PEAK1: variants seen among roughly 807,000 people sequenced by gnomAD.
PEAK1 encodes pseudopodium enriched atypical kinase 1, also known as inactive tyrosine-protein kinase PEAK1.
Under a neutral mutation model 124.7 loss-of-function variants are expected in PEAK1, and 54 were observed. That is an observed-to-expected ratio of 0.43 (90% CI 0.35 to 0.54). The LOEUF is 0.54. Among genes scored for constraint, PEAK1 ranks in the 20% least tolerant of loss-of-function variants. PEAK1 has a pLI of 0.01. For synonymous variants in PEAK1, 719 were observed against 760.0 expected (o/e 0.95, Z 0.89); for missense variants, 2,046 against 2,134.5 (o/e 0.96, Z 0.82).
chr15:77,352,106 G>A (rs888875913), intron 2 of PEAK1: 6 of 850,874 alleles, frequency 7.1e-6, no homozygotes, highest in Admixed American at 6.2e-5. Flanking sequence ...TGTGGTTCCA[G>A]CTACTCAGGA....
At chr15:77,416,280 A>C (rs907645459) in intron 1 of PEAK1, among the ~76,000 whole-genome samples, 1 of 152,022 alleles carries the variant, frequency 6.6e-6, no homozygotes, top group Non-Finnish European at 1.5e-5. Context: ...TGCCCAATCT[A>C]CTCAGCGGAT....
chr15:77,188,764 C>T (rs2057677254), intron 6 of PEAK1, among the ~76,000 whole-genome samples: 1 of 152,092 alleles, frequency 6.6e-6, no homozygotes, highest in South Asian at 2.1e-4. Flanking sequence ...TGTAAGTCCC[C>T]AGAAGGCAGG....
rs564676489 is a variant in PEAK1 at position 77,197,315 on chromosome 15, T to G, written c.-114-15275A>C. 1.1e-4 allele frequency among the ~76,000 whole-genome samples: 17 copies of G among 152,314 alleles called. 1 individual carries two copies. The South Asian group carries it at 3.3e-3, about 30-fold the overall frequency. On this transcript the variant is annotated intron_variant, in intron 6 of 9. Coordinates refer to ENST00000682557, the MANE Select transcript of PEAK1 (RefSeq NM_001385026.1). ...GTAGTTACCAGAAAAGCCTCCTTCA[T>G]GACAAAGGCCATTTTATTACTTTCC...
intron 6 of PEAK1, among the ~76,000 whole-genome samples, chr15:77,182,749 C>CAAAAA (rs71143395): frequency 1.2e-4 from 8 of 65,144 alleles, no homozygotes; most frequent in African/African-American, 3.1e-4. Flanking sequence ...GACCTTGTCT[C>CAAAAA]AAAAAAAAAA....
At chr15:77,183,153 G>A (rs2057370534) in intron 6 of PEAK1, among the ~76,000 whole-genome samples, 1 of 152,152 alleles carries the variant, frequency 6.6e-6, no homozygotes, top group Non-Finnish European at 1.5e-5. Context: ...CGAGAATAAT[G>A]TTCTGCAACA....
At chr15:77,219,074 G>A (rs1034495103) in intron 6 of PEAK1, among the ~76,000 whole-genome samples, 1 of 152,058 alleles carries the variant, frequency 6.6e-6, no homozygotes, top group Admixed American at 6.6e-5. Context: ...ATATATTTTA[G>A]ACAGAAGGAT....
At chr15:77,172,767 A>G (rs1209344268) in intron 7 of PEAK1, among the ~76,000 whole-genome samples, 1 of 152,020 alleles carries the variant, frequency 6.6e-6, no homozygotes, top group Non-Finnish European at 1.5e-5. Context: ...TCACCAAGGG[A>G]ATTCTTACAG....
intron 2 of PEAK1, among the ~76,000 whole-genome samples, chr15:77,354,685 A>G (rs1166974190): frequency 2.0e-5 from 3 of 152,176 alleles, no homozygotes; most frequent in Admixed American, 6.5e-5. Flanking sequence ...TCTGCCTAGA[A>G]AGTGTTGTCT....
chr15:77,306,128 G>A (rs182614155), intron 2 of PEAK1, among the ~76,000 whole-genome samples: 247 of 152,212 alleles, frequency 1.6e-3, no homozygotes, highest in African/African-American at 5.6e-3. Flanking sequence ...GGCACAACCC[G>A]TTTTGCTCTC....
intron 8 of PEAK1, among the ~76,000 whole-genome samples, chr15:77,145,696 C>T (rs1230885133): frequency 6.6e-6 from 1 of 152,104 alleles, no homozygotes; most frequent in African/African-American, 2.4e-5. Context: ...CAAAATTCTT[C>T]AGTGGCTCTC....
At chr15:77,144,844 G>T (rs1277294215) in intron 8 of PEAK1, among the ~76,000 whole-genome samples, 1 of 152,038 alleles carries the variant, frequency 6.6e-6, no homozygotes, top group Non-Finnish European at 1.5e-5. Flanking sequence ...AATCATTTGG[G>T]TCAATGTTTT....
intron 6 of PEAK1, among the ~76,000 whole-genome samples, chr15:77,218,612 C>A (rs2059250844): frequency 6.6e-6 from 1 of 151,446 alleles, no homozygotes; most frequent in Non-Finnish European, 1.5e-5. Flanking sequence ...TACTATGTAT[C>A]CTAGGCTGGA....
At position 77,126,350 on chromosome 15, in the gene PEAK1, ACC is replaced by A. The variant is rs2052372885; in HGVS notation, c.4077+6653_4077+6654del. ...TTATATTGGTTCCTTAATATAAGGT[ACC>A]TAGTTTGTTTCCAATTTTTGGAAAT... is the stretch of plus-strand genomic sequence containing the variant. On this transcript the variant is annotated intron_variant, in intron 9 of 9. Coordinates refer to ENST00000682557, the MANE Select transcript of PEAK1 (RefSeq NM_001385026.1). Among the ~76,000 whole-genome samples, 86 of 152,298 alleles carry A rather than the reference ACC, an allele frequency of 5.6e-4. No individual in the cohort carries two copies. The South Asian group carries it at 0.017, about 30-fold the overall frequency.
chr15:77,404,341 A>C (rs1460342651), intron 1 of PEAK1: 8 of 985,094 alleles, frequency 8.1e-6, no homozygotes, highest in Non-Finnish European at 9.6e-6. Flanking sequence ...CTGTGCTAAT[A>C]CTAGCCACCT....
intron 1 of PEAK1, chr15:77,370,827 C>T (rs1358458636): frequency 2.0e-5 from 15 of 738,382 alleles, no homozygotes; most frequent in East Asian, 1.3e-4. Flanking sequence ...GTCAGGAGTT[C>T]GAGACCATCC....
intron 9 of PEAK1, among the ~76,000 whole-genome samples, chr15:77,121,105 G>A (rs1366019179): frequency 6.6e-6 from 1 of 151,494 alleles, no homozygotes; most frequent in African/African-American, 2.4e-5. Context: ...TTTAGATTCA[G>A]GGGGTACATG....
In PEAK1 at chr15:77,158,661, G is replaced by A; in HGVS notation, c.3173C>T (p.Pro1058Leu). The A allele has an allele frequency of 6.2e-7, 1 of 1,614,128 alleles. No individual in the cohort carries two copies. Among genetic ancestry groups the A allele is most frequent in the Non-Finnish European group, 8.5e-7 (1 of 1,179,974 alleles). Residue 1058 changes from proline (P) to leucine (L), a missense_variant, in exon 8 of 10, where the codon CCT (proline) becomes CTT (leucine). Transcript: ENST00000682557. ...MTHEVTEDFS[P>L]RDPRTVVGKQ... ...CCCAACAACAGTTCTTGGATCCCGA[G>A]GAGAAAAATCCTCTGTTACTTCATG...
rs113271535 is a variant in PEAK1, at chr15:77,150,023, T to C, written c.3331+8480A>G. Among the ~76,000 whole-genome samples the C allele has an allele frequency of 4.7e-3, 723 of 152,268 alleles. 8 individuals carry two copies. The highest frequency in any genetic ancestry group is 0.016 in the African/African-American group (675 of 41,542). ...CCTTGGCTTCCCAAAGTGCTGGGAT[T>C]ACAGGCATGAGCCACCGTGCCTGGC... On this transcript the variant is annotated intron_variant, in intron 8 of 9. Transcript: ENST00000682557.
At chr15:77,163,003 T>C (rs2055795256) in intron 7 of PEAK1, among the ~76,000 whole-genome samples, 2 of 152,218 alleles carry the variant, frequency 1.3e-5, no homozygotes. Flanking sequence ...GAGGAAGTTA[T>C]GGTTTTTACA....
Sources: gnomAD v4.1 joint callset for allele counts (sites outside exome capture counted in the v4.1 genomes callset) on GRCh38, gnomAD v4.1.1 for gene constraint, MANE v1.5 for transcripts, NCBI Gene and HGNC (gene_info 2026-07-23, HGNC 2026-07-21) for gene names.